Variants in NDST3 observed in about 807,000 individuals in gnomAD.
NDST3 encodes bifunctional heparan sulfate N-deacetylase/N-sulfotransferase 3.
NDST3 carries 58 observed loss-of-function variants against 96.1 expected under a neutral mutation model. The ratio of observed to expected loss-of-function variants is 0.60; its 90% confidence interval spans 0.49 to 0.75. The LOEUF is 0.75. NDST3 is among the 30% of genes least tolerant of loss of function. The pLI is 0.00. For synonymous variants in NDST3, 333 were observed against 359.7 expected, an observed-to-expected ratio of 0.93 and a Z score of 0.84; for missense variants, 788 against 1,034.2, an observed-to-expected ratio of 0.76 and a Z score of 3.27.
intron 6 of NDST3, among the ~76,000 whole-genome samples, chr4:118,176,394 G>C (rs976454388): frequency 6.6e-6 from 1 of 152,024 alleles, no homozygotes; most frequent in African/African-American, 2.4e-5. Context: ...TATGCAGATA[G>C]AAAGTTGCAT....
At position 118,253,585 on chromosome 4, in the gene NDST3, C is replaced by T. The variant is rs1741905991; in HGVS notation, c.2486C>T (p.Pro829Leu). Residue 829 changes from proline (P) to leucine (L), a missense_variant, in exon 13 of 14, where the codon CCT becomes CTT. Physicochemically the swap from Pro to Leu is moderately conservative, Grantham distance 98 (BLOSUM62 -3). Around this residue, in one of 3 missense-constraint regions of NDST3, gnomAD observed 64 missense variants for 68.5 expected, o/e 0.93. Coordinates refer to ENST00000296499, the MANE Select transcript of NDST3 (RefSeq NM_004784.3). ...CLGKSKGRKYPPMDSDSRTFL... is the reference protein window; with the variant it reads ...CLGKSKGRKYLPMDSDSRTFL... ...GGAAAGAGCAAAGGAAGAAAATACC[C>T]TCCAATGGATTCTGATGTAAGCATA... 7 of 1,609,004 alleles carry T rather than the reference C, an allele frequency of 4.4e-6. No individual in the cohort carries two copies. Among genetic ancestry groups the T allele is most frequent in the Non-Finnish European group, 6.0e-6 (7 of 1,176,296 alleles).
intron 2 of NDST3, among the ~76,000 whole-genome samples, chr4:118,061,570 T>A (rs965388048): frequency 3.3e-5 from 5 of 152,190 alleles, no homozygotes; most frequent in Non-Finnish European, 4.4e-5. Context: ...AGACATACCA[T>A]GTATTTTACT....
At chr4:118,232,474 T>TA (rs1254583253) in intron 8 of NDST3, among the ~76,000 whole-genome samples, 11 of 150,774 alleles carry the variant, frequency 7.3e-5, no homozygotes, top group African/African-American at 7.3e-5. Flanking sequence ...TACTAAAAAT[T>TA]TAAAAAAAAT....
intron 1 of NDST3, among the ~76,000 whole-genome samples, chr4:118,050,523 T>C (rs1260525043): frequency 6.6e-6 from 1 of 152,070 alleles, no homozygotes; most frequent in Admixed American, 6.6e-5. Flanking sequence ...TCAGGAAAGT[T>C]TCAGGATACA....
At chr4:118,232,071 A>G (rs1287189839) in intron 8 of NDST3, among the ~76,000 whole-genome samples, 2 of 152,168 alleles carry the variant, frequency 1.3e-5, no homozygotes, top group African/African-American at 4.8e-5. Context: ...AGCAATTTAA[A>G]CAATTTTTGA....
At chr4:118,139,288 A>AT (rs751449615) in intron 5 of NDST3, among the ~76,000 whole-genome samples, 2 of 152,140 alleles carry the variant, frequency 1.3e-5, no homozygotes, top group Non-Finnish European at 2.9e-5. Context: ...CCTGGGATAT[A>AT]TTTTTTCATT....
intron 2 of NDST3, among the ~76,000 whole-genome samples, chr4:118,094,283 C>T (rs1729118443): frequency 6.6e-6 from 1 of 151,844 alleles, no homozygotes; most frequent in African/African-American, 2.4e-5. Flanking sequence ...TACAATTGTG[C>T]CTTTCCCCCA....
intron 6 of NDST3, among the ~76,000 whole-genome samples, chr4:118,175,621 C>T (rs1256550148): frequency 6.6e-6 from 1 of 152,102 alleles, no homozygotes; most frequent in Non-Finnish European, 1.5e-5. Context: ...TTATCTCGCA[C>T]ACTGGGAGGC....
At chr4:118,055,049 G>A (rs1578543933) in intron 2 of NDST3, 158 bp downstream of exon 2, 1 of 853,542 alleles carries the variant, frequency 1.2e-6, no homozygotes, top group Non-Finnish European at 1.9e-6. Context: ...CAACTAAGAA[G>A]ATTATGTATT....
intron 6 of NDST3, among the ~76,000 whole-genome samples, chr4:118,209,781 C>T (rs1738669080): frequency 6.6e-6 from 1 of 152,152 alleles, no homozygotes; most frequent in Non-Finnish European, 1.5e-5. Flanking sequence ...CCTATCAGAT[C>T]CCAAATTCTA....
At chr4:118,043,518 T>A (rs2110429363) in intron 1 of NDST3, among the ~76,000 whole-genome samples, 1 of 152,318 alleles carries the variant, frequency 6.6e-6, no homozygotes, top group South Asian at 2.1e-4. Context: ...TCTTACCAAG[T>A]TTGAAAAGTC....
intron 4 of NDST3, among the ~76,000 whole-genome samples, chr4:118,136,850 C>T (rs573962585): frequency 2.3e-4 from 35 of 152,102 alleles, no homozygotes; most frequent in Middle Eastern, 3.4e-3. Flanking sequence ...GAAATTGGGG[C>T]GATGAGTGCT....
At position 118,096,702 on chromosome 4, in the gene NDST3, G is replaced by T. The variant is rs564193929; in HGVS notation, c.982-8316G>T. ...AGATAGATAGATAGATAGATAGATAGATAGATAGACAGTTAGGCAGATGTA... is the reference window on the plus strand; with the variant it reads ...AGATAGATAGATAGATAGATAGATATATAGATAGACAGTTAGGCAGATGTA... On this transcript the variant is annotated intron_variant, in intron 2 of 13. Transcript: ENST00000296499. 7.2e-5 allele frequency among the ~76,000 whole-genome samples: 11 copies of T among 151,734 alleles called. 1 individual carries two copies. The South Asian group carries it at 2.3e-3, about 31-fold the overall frequency.
At chr4:118,187,427 T>C (rs1213508529) in intron 6 of NDST3, among the ~76,000 whole-genome samples, 4 of 152,194 alleles carry the variant, frequency 2.6e-5, no homozygotes, top group Non-Finnish European at 5.9e-5. Context: ...AGATCTCCTG[T>C]AAAGGTTTTC....
chr4:118,223,005 T>A (rs1009481621), intron 6 of NDST3, among the ~76,000 whole-genome samples: 1 of 151,932 alleles, frequency 6.6e-6, no homozygotes, highest in Non-Finnish European at 1.5e-5. Context: ...AAATCTTTCA[T>A]AAAAATAAAG....
chr4:118,093,358 C>T (rs995896041), intron 2 of NDST3, among the ~76,000 whole-genome samples: 1 of 151,894 alleles, frequency 6.6e-6, no homozygotes, highest in Non-Finnish European at 1.5e-5. Flanking sequence ...TGACACAAGA[C>T]ATGATGCATA....
intron 1 of NDST3, among the ~76,000 whole-genome samples, chr4:118,043,170 A>G (rs1266539884): frequency 1.3e-5 from 2 of 152,232 alleles, no homozygotes; most frequent in Non-Finnish European, 2.9e-5. Context: ...CATAGATATT[A>G]TGATATTAAA....
chr4:118,064,104 T>G (rs2389509), intron 2 of NDST3, among the ~76,000 whole-genome samples: 114,479 of 152,086 alleles, frequency 0.75, 45,749 homozygotes, highest in South Asian at 0.92. Flanking sequence ...TAGAGTGGCA[T>G]AGTGACAGCA....
chr4:118,249,611 G>C (rs1349199645), intron 12 of NDST3, among the ~76,000 whole-genome samples: 3 of 152,070 alleles, frequency 2.0e-5, no homozygotes, highest in Non-Finnish European at 4.4e-5. Context: ...TAAATGGAAA[G>C]TGATTATTCT....
Sources: allele counts gnomAD v4.1 joint callset (sites outside exome capture counted in the v4.1 genomes callset), GRCh38; gene constraint gnomAD v4.1.1; regional missense constraint gnomAD v4.1.1; transcripts MANE v1.5; gene names NCBI Gene and HGNC (gene_info 2026-07-23, HGNC 2026-07-21).